Variants in RAPGEF1 observed in about 807,000 individuals in gnomAD.
RAPGEF1 encodes CRK SH3-binding GNRP.
In RAPGEF1, 33 loss-of-function variants were observed where a neutral mutation model predicts 143.3. The ratio of observed to expected loss-of-function variants is 0.23; its 90% CI spans 0.17 to 0.31. The LOEUF is 0.31. RAPGEF1 is among the 10% of genes least tolerant of loss of function. RAPGEF1 has a pLI of 1.00. For synonymous variants in RAPGEF1, 629 were observed against 676.5 expected (o/e 0.93, Z 1.09); for missense variants, 1,199 against 1,645.4 (o/e 0.73, Z 4.69).
intron 25 of RAPGEF1, among the ~76,000 whole-genome samples, 177 bp downstream of exon 25, chr9:131,582,428 T>A (rs1056260149): frequency 6.6e-6 from 1 of 151,980 alleles, no homozygotes; most frequent in South Asian, 2.1e-4. Context: ...ATTATATATA[T>A]GTATTGTATA....
intron 1 of RAPGEF1, among the ~76,000 whole-genome samples, chr9:131,663,803 C>T (rs1050809256): frequency 6.6e-6 from 1 of 152,268 alleles, no homozygotes; most frequent in African/African-American, 2.4e-5. Flanking sequence ...GATATAGTTT[C>T]TCCTTTGTAA....
At chr9:131,659,897 C>A (rs1295392181) in intron 1 of RAPGEF1, among the ~76,000 whole-genome samples, 1 of 152,124 alleles carries the variant, frequency 6.6e-6, no homozygotes, top group South Asian at 2.1e-4. Context: ...CGGCTCACTG[C>A]AAGCTCCACC....
intron 12 of RAPGEF1, among the ~76,000 whole-genome samples, chr9:131,614,504 G>A (rs1958590923): frequency 6.6e-6 from 1 of 152,232 alleles, no homozygotes; most frequent in Non-Finnish European, 1.5e-5. Flanking sequence ...CATCCTTGGG[G>A]ATGGTTTGTG....
In RAPGEF1 at chr9:131,583,197, G is replaced by A. The variant is rs555437575; in HGVS notation, c.3415-495C>T. 3.3e-3 allele frequency among the ~76,000 whole-genome samples: 505 copies of A among 152,198 alleles called. 4 individuals are homozygous for A. The highest frequency in any genetic ancestry group is 0.012 in the African/African-American group (485 of 41,540). On this transcript the variant is annotated intron_variant, in intron 24 of 26. Transcript: ENST00000683357. The surrounding 1 kb of genome is among the most constrained non-coding windows in gnomAD (Gnocchi z 4.7). ...GTGGCTTCTCTCCTGCAGGGGTGGG[G>A]GGCTCCCACCTAGGAGACTCAGCCA...
At chr9:131,609,812 C>A (rs772697688) in intron 12 of RAPGEF1, among the ~76,000 whole-genome samples, 1 of 151,964 alleles carries the variant, frequency 6.6e-6, no homozygotes, top group Middle Eastern at 3.4e-3. Context: ...TTCGGTGACA[C>A]CTTCTCTCTA....
intron 1 of RAPGEF1, among the ~76,000 whole-genome samples, chr9:131,696,166 A>G (rs1382214027): frequency 6.6e-6 from 1 of 152,060 alleles, no homozygotes; most frequent in African/African-American, 2.4e-5. Flanking sequence ...CGGAAGCTAC[A>G]ACATCTTGTA....
intron 1 of RAPGEF1, among the ~76,000 whole-genome samples, chr9:131,687,803 A>T (rs1047545244): frequency 1.3e-5 from 2 of 152,160 alleles, no homozygotes; most frequent in Non-Finnish European, 2.9e-5. Flanking sequence ...CCCATGCCTT[A>T]AAAAAATCAA....
At chr9:131,623,708 CCGGACAGTGAT>C (rs1962000162) in intron 10 of RAPGEF1, among the ~76,000 whole-genome samples, 1 of 152,206 alleles carries the variant, frequency 6.6e-6, no homozygotes, top group African/African-American at 2.4e-5. Context: ...ATTTCAGGTG[CCGGACAGTGAT>C]CACAAGGCTC....
At chr9:131,723,541 T>C (rs1836423719) in intron 1 of RAPGEF1, among the ~76,000 whole-genome samples, 1 of 152,260 alleles carries the variant, frequency 6.6e-6, no homozygotes, top group Non-Finnish European at 1.5e-5. Context: ...CTTGTCTTTT[T>C]GTGACTAGCT....
rs773313626 is a variant in RAPGEF1, at chr9:131,629,245, C to T, written c.750G>A (p.Glu250=). ...SPASKPDGPA[E]LPLTDREVEI... is the part of the protein sequence containing the mutation. ...CTACCTCGCGGTCTGTCAGGGGGAG[C>T]TCTGCTGGGCTGGAGAATTGGGAAG... Residue 250 remains glutamate (E), a synonymous_variant, in exon 7 of 27, where the codon GAG becomes GAA. Coordinates refer to ENST00000683357, the MANE Select transcript of RAPGEF1 (RefSeq NM_001377935.1). 1.2e-6 allele frequency: 2 copies of T among 1,613,234 alleles called. No homozygotes were observed. The highest frequency in any genetic ancestry group is 1.7e-6 in the Non-Finnish European group (2 of 1,179,502).
intron 5 of RAPGEF1, among the ~76,000 whole-genome samples, chr9:131,630,607 T>C (rs1487193622): frequency 2.6e-5 from 4 of 152,224 alleles, no homozygotes; most frequent in Admixed American, 1.3e-4. Flanking sequence ...CTCAAAATGA[T>C]TGTTTATCAC....
At chr9:131,663,216 C>T (rs1829875331) in intron 1 of RAPGEF1, among the ~76,000 whole-genome samples, 2 of 152,212 alleles carry the variant, frequency 1.3e-5, no homozygotes, top group South Asian at 2.1e-4. Flanking sequence ...GCCATGCTCG[C>T]TTTCCATCCC....
chr9:131,646,122 C>A (rs761061707), intron 3 of RAPGEF1, among the ~76,000 whole-genome samples: 4 of 152,186 alleles, frequency 2.6e-5, no homozygotes, highest in African/African-American at 7.2e-5. Context: ...GAGGCACCCA[C>A]TGTGCTATGG....
chr9:131,590,213 GCCACGCCAT>G (rs1219269956), intron 18 of RAPGEF1, among the ~76,000 whole-genome samples: 2 of 152,086 alleles, frequency 1.3e-5, no homozygotes, highest in Admixed American at 6.6e-5. Context: ...TCTCCTCCCT[GCCACGCCAT>G]CTCCGCTGCA....
At chr9:131,727,633 G>A (rs529648353) in intron 1 of RAPGEF1, among the ~76,000 whole-genome samples, 6 of 152,274 alleles carry the variant, frequency 3.9e-5, no homozygotes, top group African/African-American at 1.2e-4. Flanking sequence ...TCAGCAGTAC[G>A]TGCATTTCTC....
At chr9:131,683,483 C>G (rs771154560) in intron 1 of RAPGEF1, among the ~76,000 whole-genome samples, 8 of 152,234 alleles carry the variant, frequency 5.3e-5, no homozygotes, top group African/African-American at 7.2e-5. Flanking sequence ...GGGAGCATTA[C>G]AGCCAGGATT....
Position 131,579,484 on chromosome 9 carries a change from C to T in RAPGEF1, c.*13G>A, listed in dbSNP as rs767468929. ...CGCCCCTCGAGCATTCTCCTGGATC[C>T]CGGCGTCTGCTCCTAGGTCTTCTCT... On this transcript the variant is annotated 3_prime_UTR_variant, in exon 27 of 27. Transcript: ENST00000683357. 2.5e-6 allele frequency: 4 copies of T among 1,613,008 alleles called. No homozygotes were observed. In the South Asian group the frequency reaches 4.4e-5, roughly 18 times the overall value.
chr9:131,678,525 GT>G, intron 1 of RAPGEF1, among the ~76,000 whole-genome samples: 1 of 152,350 alleles, frequency 6.6e-6, no homozygotes, highest in Admixed American at 6.5e-5. Flanking sequence ...CCAGTGTGCT[GT>G]TTTCAGGAGC....
At chr9:131,640,606 C>T (rs111596705) in intron 4 of RAPGEF1, among the ~76,000 whole-genome samples, 1 of 152,116 alleles carries the variant, frequency 6.6e-6, no homozygotes, top group Admixed American at 6.5e-5. Flanking sequence ...GTGTGACTCT[C>T]GCTCTCACAT....
Sources: allele counts gnomAD v4.1 joint callset (sites outside exome capture counted in the v4.1 genomes callset), GRCh38; gene constraint gnomAD v4.1.1; non-coding constraint Gnocchi (gnomAD v3.1); transcripts MANE v1.5; gene names NCBI Gene and HGNC (gene_info 2026-07-23, HGNC 2026-07-21).